The following ZNF641 variants were observed in gnomAD, a reference collection of about 807,000 sequenced individuals.
The protein encoded by ZNF641 is zinc finger protein 641.
ZNF641 carries 26 observed loss-of-function variants against 46.2 expected under a neutral mutation model. That is an observed-to-expected ratio of 0.56 (90% CI 0.41 to 0.78). The LOEUF (loss-of-function observed/expected upper bound fraction) is 0.78. ZNF641 is among the 30% of genes least tolerant of loss of function. The pLI, the probability that ZNF641 is intolerant of heterozygous loss-of-function variation, is 0.00. For missense variants in ZNF641, 469 were observed against 517.8 expected, an observed-to-expected ratio of 0.91 and a Z score of 0.91; for synonymous variants, 163 against 187.9, an observed-to-expected ratio of 0.87 and a Z score of 1.09.
chr12:48,340,617 G>C lies in ZNF641; in HGVS notation c.*2356C>G. ...TATATAATGACCATTTTAGATCGGG[G>C]AACTCCCTTTCTTTGAAGGCAGTTT... On this transcript the variant is annotated 3_prime_UTR_variant, in exon 6 of 6. Transcript: ENST00000547026. 6.1e-6 allele frequency: 6 copies of C among 985,432 alleles called. No homozygotes were observed. Among genetic ancestry groups the C allele is most frequent in the Non-Finnish European group, 7.2e-6 (6 of 829,930 alleles). The allele number at this position is 985,432 out of a possible 1,614,324, so 61.0% of individuals were successfully genotyped here. A position where few individuals can be genotyped will look rare whatever the true frequency, so the allele number is the denominator to read the frequency against.
At position 48,343,395 on chromosome 12, in the gene ZNF641, T is replaced by C. The variant is rs1238266429; in HGVS notation, c.853A>G (p.Lys285Glu). The change falls in exon 6 of 6, where the codon AAG becomes GAG. Residue 285 changes from lysine to glutamate, a missense_variant. Physicochemically the swap from Lys to Glu is moderately conservative, Grantham distance 56. This residue lies in a region of ZNF641 where 346 missense variants were observed against 354.0 expected (regional missense o/e 0.98). Coordinates refer to ENST00000547026, the MANE Select transcript of ZNF641 (RefSeq NM_001172681.2). ...ERPYSCLKCE[K>E]TFGRRHHLIR... ...AGGTGATGTCTTCGCCCAAAGGTCT[T>C]CTCACACTTGAGGCAGCTGTAGGGT... 1 of 1,614,176 alleles carries C rather than the reference T, an allele frequency of 6.2e-7. No homozygotes were observed. The highest frequency in any genetic ancestry group is 8.5e-7 in the Non-Finnish European group (1 of 1,180,038).
In ZNF641 at chr12:48,340,788, T is replaced by G. The variant is rs1262566857; in HGVS notation, c.*2185A>C. The G allele has an allele frequency of 1.0e-6, 1 of 985,324 alleles. No homozygotes were observed. The highest frequency in any genetic ancestry group is 1.7e-5 in the African/African-American group (1 of 57,260). The allele number at this position is 985,324 out of a possible 1,614,324, so 61.0% of individuals were successfully genotyped here. On this transcript the variant is annotated 3_prime_UTR_variant, in exon 6 of 6. Coordinates refer to ENST00000547026, the MANE Select transcript of ZNF641 (RefSeq NM_001172681.2). The stretch of plus-strand genomic sequence containing the variant: ...AAGACAGGTTCTGAACCATTGCTTA[T>G]GCAGAGCTTTTAGTATTAAAGAGGG...
At chr12:48,349,235 C>G (rs912291403) in intron 1 of ZNF641, among the ~76,000 whole-genome samples, 1 of 151,948 alleles carries the variant, frequency 6.6e-6, no homozygotes, top group Non-Finnish European at 1.5e-5. Flanking sequence ...GTGTACAATA[C>G]CAGATAGTGG....
At position 48,340,366 on chromosome 12, in the gene ZNF641, C is replaced by T. The variant is rs1383311018; in HGVS notation, c.*2607G>A. On this transcript the variant is annotated 3_prime_UTR_variant, in exon 6 of 6. Coordinates refer to ENST00000547026, the MANE Select transcript of ZNF641 (RefSeq NM_001172681.2). ...GATGTTAACATGTAGTTATAAGGGG[C>T]GTGATCTAATAGTAAGGAATATCAC... The T allele has an allele frequency of 8.1e-6, 8 of 985,208 alleles. No individual in the cohort carries two copies. Among genetic ancestry groups the T allele is most frequent in the African/African-American group, 1.7e-5 (1 of 57,180 alleles). 61.0% of individuals were successfully genotyped at this position (985,208 alleles called of 1,614,324 possible).
Position 48,339,962 on chromosome 12 carries a change from G to T in ZNF641, c.*3011C>A. 1.0e-6 allele frequency: 1 copy of T among 985,430 alleles called. No individual in the cohort carries two copies. 61.0% of individuals were successfully genotyped at this position (985,430 alleles called of 1,614,324 possible). On this transcript the variant is annotated 3_prime_UTR_variant, in exon 6 of 6. Transcript: ENST00000547026. Reference sequence around the variant, plus strand: ...GGAGGATACTCAGAATAGGGTGGAGGTACCAGATGGAAAAATGTGACAGGT... The same window carrying T: ...GGAGGATACTCAGAATAGGGTGGAGTTACCAGATGGAAAAATGTGACAGGT...
In ZNF641 at chr12:48,340,142, G is replaced by T. The variant is rs752922630; in HGVS notation, c.*2831C>A. Reference sequence around the variant, plus strand: ...TTCACTCATCTGATGGCTGTTGCTTGTTTTATTTTTTGTCCAAGAGAGGTG... The same window carrying T: ...TTCACTCATCTGATGGCTGTTGCTTTTTTTATTTTTTGTCCAAGAGAGGTG... On this transcript the variant is annotated 3_prime_UTR_variant, in exon 6 of 6. Coordinates refer to ENST00000547026, the MANE Select transcript of ZNF641 (RefSeq NM_001172681.2). The T allele has an allele frequency of 3.0e-6, 3 of 985,420 alleles. No individual in the cohort carries two copies. The highest frequency in any genetic ancestry group is 3.6e-6 in the Non-Finnish European group (3 of 829,928). 61.0% of individuals were successfully genotyped at this position (985,420 alleles called of 1,614,324 possible).
At position 48,343,689 on chromosome 12, in the gene ZNF641, C is replaced by G; in HGVS notation, c.559G>C (p.Glu187Gln). Residue 187 changes from glutamate (E) to glutamine (Q), a missense_variant, in exon 6 of 6, where the codon GAA becomes CAA. Glu to Gln is a conservative substitution (Grantham distance 29). Transcript: ENST00000547026. Reference sequence around the variant, plus strand: ...GATAACATTCTGGGAGGTTCTGCTTCTAGTTCAGGGGTATCCCCCTCATGT... The same window carrying G: ...GATAACATTCTGGGAGGTTCTGCTTGTAGTTCAGGGGTATCCCCCTCATGT... ...SEHEGDTPEL[E>Q]AEPPRMLSSV... 1 of 1,524,044 alleles carries G rather than the reference C, an allele frequency of 6.6e-7. No homozygotes were observed. Among genetic ancestry groups the G allele is most frequent in the East Asian group, 2.3e-5 (1 of 44,036 alleles). The allele number at this position is 1,524,044 out of a possible 1,614,324, so 94.4% of individuals were successfully genotyped here.
Position 48,342,839 on chromosome 12 carries a change from G to A in ZNF641, c.*134C>T. 1 of 1,448,200 alleles carries A rather than the reference G, an allele frequency of 6.9e-7. No homozygotes were observed. The highest frequency in any genetic ancestry group is 9.0e-7 in the Non-Finnish European group (1 of 1,106,190). The allele number at this position is 1,448,200 out of a possible 1,614,324, so 89.7% of individuals were successfully genotyped here. ...GTGAGAAATGCTCTGGCCATTGCTG[G>A]GACCTCATCTTTCTAGGGATGGGGT... On this transcript the variant is annotated 3_prime_UTR_variant, in exon 6 of 6. Coordinates refer to ENST00000547026, the MANE Select transcript of ZNF641 (RefSeq NM_001172681.2).
chr12:48,334,838 C>A (rs1039844039), downstream of ZNF641, among the ~76,000 whole-genome samples: 1 of 152,150 alleles, frequency 6.6e-6, no homozygotes, highest in Admixed American at 6.5e-5. Context: ...GAGACAGCGC[C>A]GGTGGGACCG....
At chr12:48,350,065 C>A in intron 1 of ZNF641, 1 of 1,614,208 alleles carries the variant, frequency 6.2e-7, no homozygotes, top group South Asian at 1.1e-5. Context: ...GCTTGCATTT[C>A]CTAAGATATT....
chr12:48,334,835 C>T (rs868379149), downstream of ZNF641, among the ~76,000 whole-genome samples: 10 of 152,254 alleles, frequency 6.6e-5, no homozygotes, highest in African/African-American at 1.7e-4. Flanking sequence ...AGAGAGACAG[C>T]GCCGGTGGGA....
chr12:48,334,666 C>T (rs1198532096), downstream of ZNF641, among the ~76,000 whole-genome samples: 2 of 139,816 alleles, frequency 1.4e-5, no homozygotes, highest in African/African-American at 5.4e-5. Context: ...ATGAGAAAAT[C>T]AAACATTGTC....
Position 48,348,056 on chromosome 12 carries a change from C to G in ZNF641, c.35G>C (p.Gly12Ala). 6.2e-7 allele frequency: 1 copy of G among 1,614,238 alleles called. No individual in the cohort carries two copies. The highest frequency in any genetic ancestry group is 8.5e-7 in the Non-Finnish European group (1 of 1,180,050). ...CAGCTGTACATTCATTGATTCCCAT[C>G]CTGTCCCCAGCGCTGCTGTCTGTTC... ...LSEQTAALGT[G>A]WESMNVQLDG... The change falls in exon 2 of 6, where the codon GGA becomes GCA. Residue 12 changes from glycine to alanine, a missense_variant. Gly to Ala is a moderately conservative substitution (Grantham distance 60). This residue lies in a region of ZNF641 where 98 missense variants were observed against 105.7 expected (regional missense o/e 0.93). Coordinates refer to ENST00000547026, the MANE Select transcript of ZNF641 (RefSeq NM_001172681.2).
intron 4 of ZNF641, 76 bp downstream of exon 4, chr12:48,345,269 A>G (rs187402414): frequency 1.9e-5 from 29 of 1,555,068 alleles, no homozygotes; most frequent in Non-Finnish European, 2.5e-5. Context: ...GACAGACACT[A>G]TCCAATAGCC....
At chr12:48,346,893 C>A (rs1269973505) in intron 3 of ZNF641, among the ~76,000 whole-genome samples, 1 of 152,120 alleles carries the variant, frequency 6.6e-6, no homozygotes, top group Non-Finnish European at 1.5e-5. Flanking sequence ...TGCCAGTAGT[C>A]CCAGCTACTT....
chr12:48,349,025 T>C (rs1480001141), intron 1 of ZNF641, among the ~76,000 whole-genome samples: 1 of 152,104 alleles, frequency 6.6e-6, no homozygotes, highest in African/African-American at 2.4e-5. Context: ...AAGAAAGGGA[T>C]TGGAAATACA....
chr12:48,350,244 G>C (rs1351801911), intron 1 of ZNF641: 17 of 1,456,946 alleles, frequency 1.2e-5, no homozygotes, highest in Non-Finnish European at 1.5e-5. Flanking sequence ...TCTGCAGCCA[G>C]TGCTGATGAA....
intron 1 of ZNF641, among the ~76,000 whole-genome samples, chr12:48,348,687 T>G (rs1418007970): frequency 6.6e-6 from 1 of 152,230 alleles, no homozygotes; most frequent in African/African-American, 2.4e-5. Context: ...AAAAAGGCAC[T>G]TGGTCTACCA....
Position 48,342,129 on chromosome 12 carries a change from G to GT in ZNF641, c.*843dup. ...GGGATAAAGTTTTTTTTGTTTTTCTGTTTTTCTGTGTGGGCCAGGGCTATT... is the reference window on the plus strand; with the variant it reads ...GGGATAAAGTTTTTTTTGTTTTTCTGTTTTTTCTGTGTGGGCCAGGGCTATT... On this transcript the variant is annotated 3_prime_UTR_variant, in exon 6 of 6. Coordinates refer to ENST00000547026, the MANE Select transcript of ZNF641 (RefSeq NM_001172681.2). The GT allele has an allele frequency of 1.0e-6, 1 of 985,372 alleles. No homozygotes were observed. Among genetic ancestry groups the GT allele is most frequent in the Non-Finnish European group, 1.2e-6 (1 of 829,998 alleles). 61.0% of individuals were successfully genotyped at this position (985,372 alleles called of 1,614,324 possible).
Sources: allele counts gnomAD v4.1 joint callset (sites outside exome capture counted in the v4.1 genomes callset), GRCh38; gene constraint gnomAD v4.1.1; regional missense constraint gnomAD v4.1.1; transcripts MANE v1.5; gene names NCBI Gene and HGNC (gene_info 2026-07-23, HGNC 2026-07-21).